Variants in ADCY1 observed in about 807,000 individuals in gnomAD.
The protein encoded by ADCY1 is adenylate cyclase type 1.
ADCY1 carries 28 observed loss-of-function variants against 105.4 expected under a neutral mutation model. That is an observed-to-expected ratio of 0.27 (90% CI 0.20 to 0.36). The LOEUF (loss-of-function observed/expected upper bound fraction) is 0.36. Ranked by LOEUF, ADCY1 falls within the 10% of genes least tolerant of loss-of-function variation. The probability of loss-of-function intolerance (pLI) is 1.00; values close to 1 mark genes in which losing one functional copy is unlikely to be tolerated. For missense variants in ADCY1, 977 were observed against 1,434.2 expected, an observed-to-expected ratio of 0.68 and a Z score of 5.15; for synonymous variants, 655 against 623.8, an observed-to-expected ratio of 1.05 and a Z score of -0.75.
intron 3 of ADCY1, among the ~76,000 whole-genome samples, chr7:45,614,164 A>G (rs1474995248): frequency 3.3e-5 from 5 of 152,214 alleles, no homozygotes; most frequent in Admixed American, 6.5e-5. Context: ...ATTCTAGCAT[A>G]AAAGTTAAGA....
At position 45,647,236 on chromosome 7, in the gene ADCY1, A is replaced by G. The variant is rs534760212; in HGVS notation, c.1021-1434A>G. On this transcript the variant is annotated intron_variant, in intron 4 of 19. Transcript: ENST00000297323. The surrounding 1 kb of genome is among the most constrained non-coding windows in gnomAD (Gnocchi z 4.6). ...GACAGGCCATTCAGCTGCTAGGCCAATCCCTGCTCAGCCTGGGAACTGGGG... is the reference window on the plus strand; with the variant it reads ...GACAGGCCATTCAGCTGCTAGGCCAGTCCCTGCTCAGCCTGGGAACTGGGG... Among the ~76,000 whole-genome samples, 3 of 152,296 alleles carry G rather than the reference A, an allele frequency of 2.0e-5. No homozygotes were observed. The highest frequency in any genetic ancestry group is 7.2e-5 in the African/African-American group (3 of 41,566).
At chr7:45,672,209 A>G (rs1784380816) in intron 8 of ADCY1, among the ~76,000 whole-genome samples, 1 of 152,068 alleles carries the variant, frequency 6.6e-6, no homozygotes, top group African/African-American at 2.4e-5. Context: ...TCCTTCCTCC[A>G]TTGAATTGCT....
At chr7:45,642,987 C>T (rs578060015) in intron 4 of ADCY1, among the ~76,000 whole-genome samples, 3 of 152,146 alleles carry the variant, frequency 2.0e-5, no homozygotes, top group Non-Finnish European at 4.4e-5. Flanking sequence ...ATCAGCACCC[C>T]GTTATGAAGT....
At chr7:45,674,608 G>A (rs751548410) in intron 8 of ADCY1, among the ~76,000 whole-genome samples, 4 of 152,102 alleles carry the variant, frequency 2.6e-5, no homozygotes, top group East Asian at 1.9e-4. Context: ...TCCTGACTTC[G>A]TGATCCACCC....
chr7:45,682,810 A>G (rs1251460803), intron 11 of ADCY1, among the ~76,000 whole-genome samples: 1 of 152,098 alleles, frequency 6.6e-6, no homozygotes, highest in Non-Finnish European at 1.5e-5. Flanking sequence ...GAAGATTTTC[A>G]CCAGTTATGA....
intron 1 of ADCY1, among the ~76,000 whole-genome samples, chr7:45,582,347 A>G (rs1296301680): frequency 6.6e-6 from 1 of 152,094 alleles, no homozygotes; most frequent in African/African-American, 2.4e-5. Flanking sequence ...GACCTTGGCA[A>G]TCTCAGAATC....
At position 45,722,243 on chromosome 7, in the gene ADCY1, C is replaced by G. The variant is rs1785490851; in HGVS notation, c.*8248C>G. 1 of 174,296 alleles carries G rather than the reference C, an allele frequency of 5.7e-6. No homozygotes were observed. Among genetic ancestry groups the G allele is most frequent in the Non-Finnish European group, 1.2e-5 (1 of 82,778 alleles). The allele number at this position is 174,296 out of a possible 1,614,324, so 10.8% of individuals were successfully genotyped here. A position where few individuals can be genotyped will look rare whatever the true frequency, so the allele number is the denominator to read the frequency against. On this transcript the variant is annotated 3_prime_UTR_variant, in exon 20 of 20. Coordinates refer to ENST00000297323, the MANE Select transcript of ADCY1 (RefSeq NM_021116.4). Reference sequence around the variant, plus strand: ...GGGAGAGATGTATGGTCTTGCCTTCCACCTGTAAAAACTGCACATATGCAA... The same window carrying G: ...GGGAGAGATGTATGGTCTTGCCTTCGACCTGTAAAAACTGCACATATGCAA...
At chr7:45,642,600 G>A (rs190477422) in intron 4 of ADCY1, among the ~76,000 whole-genome samples, 7 of 152,134 alleles carry the variant, frequency 4.6e-5, no homozygotes, top group Admixed American at 3.9e-4. Context: ...ATCTGCTTTT[G>A]TTGTTGTTGT....
At chr7:45,651,535 G>A (rs746671309) in intron 5 of ADCY1, among the ~76,000 whole-genome samples, 8 of 152,186 alleles carry the variant, frequency 5.3e-5, no homozygotes, top group Non-Finnish European at 1.2e-4. Flanking sequence ...AACAGGTGAA[G>A]TGGCCAGAGC....
intron 14 of ADCY1, among the ~76,000 whole-genome samples, chr7:45,689,335 G>T (rs541068884): frequency 1.1e-4 from 17 of 152,222 alleles, no homozygotes; most frequent in African/African-American, 3.9e-4. Flanking sequence ...CAGAGACTGG[G>T]TTATTTATAA....
At chr7:45,638,991 G>GGGATGT (rs1358039939) in intron 4 of ADCY1, among the ~76,000 whole-genome samples, 3 of 151,892 alleles carry the variant, frequency 2.0e-5, no homozygotes, top group Admixed American at 6.6e-5. Context: ...AGGACCACAT[G>GGGATGT]GGATGTGTGT....
At chr7:45,574,226 C>A (rs1792242394), upstream of ADCY1, 2 of 852,760 alleles carry the variant, frequency 2.3e-6, no homozygotes, top group Admixed American at 1.2e-4. The surrounding 1 kb of genome is among the most constrained non-coding windows in gnomAD (Gnocchi z 7.0). Context: ...CGGGCGGGAA[C>A]GCAGGACGCG....
At chr7:45,673,048 T>C (rs1784393787) in intron 8 of ADCY1, among the ~76,000 whole-genome samples, 1 of 152,226 alleles carries the variant, frequency 6.6e-6, no homozygotes, top group Admixed American at 6.5e-5. Flanking sequence ...ATGGTTTTTC[T>C]GTATCAATTG....
At chr7:45,578,214 C>T (rs1297663231) in intron 1 of ADCY1, among the ~76,000 whole-genome samples, 1 of 152,154 alleles carries the variant, frequency 6.6e-6, no homozygotes, top group African/African-American at 2.4e-5. Context: ...GGCTTAGCTC[C>T]TCCCCCGGAG....
Position 45,717,187 on chromosome 7 carries a change from T to G in ADCY1, c.*3192T>G, listed in dbSNP as rs1306578937. The stretch of plus-strand genomic sequence containing the variant: ...AAGCTGCCCAAGGTGTGGCCACTTG[T>G]AGGGCAGTGAGAGGAAGCCGTCGCG... On this transcript the variant is annotated 3_prime_UTR_variant, in exon 20 of 20. Transcript: ENST00000297323. 1 of 152,110 alleles carries G rather than the reference T, an allele frequency of 6.6e-6. No homozygotes were observed. Among genetic ancestry groups the G allele is most frequent in the Non-Finnish European group, 1.5e-5 (1 of 68,052 alleles). 9.4% of individuals were successfully genotyped at this position (152,110 alleles called of 1,614,324 possible). A position where few individuals can be genotyped will look rare whatever the true frequency, so the allele number is the denominator to read the frequency against.
In ADCY1 at chr7:45,710,509, T is replaced by C. The variant is rs759831200; in HGVS notation, c.2933-19T>C. 7 of 1,612,644 alleles carry C rather than the reference T, an allele frequency of 4.3e-6. No individual in the cohort carries two copies. The South Asian group carries it at 5.5e-5, about 13-fold the overall frequency. The stretch of plus-strand genomic sequence containing the variant: ...CACTTTTCCCGCTGATGACAGGTCA[T>C]GCGCTGGCTGTTTTCTAGGCATCAA... On this transcript the variant is annotated intron_variant, in intron 18 of 19. Transcript: ENST00000297323. This position sits in a 1 kb window ranked among gnomAD's most constrained non-coding sequence, Gnocchi z 4.7.
chr7:45,660,531 G>T (rs746736454), intron 7 of ADCY1, among the ~76,000 whole-genome samples: 2 of 152,250 alleles, frequency 1.3e-5, no homozygotes, highest in Non-Finnish European at 2.9e-5. Flanking sequence ...TGTGAACTGA[G>T]GGGTGCTGGG....
intron 19 of ADCY1, among the ~76,000 whole-genome samples, chr7:45,712,347 A>T (rs1056074928): frequency 6.7e-6 from 1 of 150,346 alleles, no homozygotes; most frequent in Non-Finnish European, 1.5e-5. Context: ...GGAGAACTTC[A>T]TGGGAGCCCC....
chr7:45,604,968 T>C (rs1793335662), intron 2 of ADCY1, among the ~76,000 whole-genome samples: 1 of 152,202 alleles, frequency 6.6e-6, no homozygotes, highest in Admixed American at 6.5e-5. Flanking sequence ...GGTATGTCTC[T>C]CCATTTATTT....
Sources: gnomAD v4.1 joint callset for allele counts (sites outside exome capture counted in the v4.1 genomes callset) on GRCh38, gnomAD v4.1.1 for gene constraint, Gnocchi (gnomAD v3.1) non-coding constraint, MANE v1.5 for transcripts, NCBI Gene and HGNC (gene_info 2026-07-23, HGNC 2026-07-21) for gene names.